Variants in ST6GAL2 observed in about 807,000 individuals in gnomAD.
The protein encoded by ST6GAL2 is beta-galactoside alpha-2,6-sialyltransferase 2.
ST6GAL2 carries 24 observed loss-of-function variants against 37.5 expected under a neutral mutation model. The observed-to-expected ratio is 0.64, with a 90% CI of 0.46 to 0.90. ST6GAL2 has a LOEUF of 0.90. Ranked by LOEUF, ST6GAL2 falls within the 40% of genes least tolerant of loss-of-function variation. The pLI, the probability that ST6GAL2 is intolerant of heterozygous loss-of-function variation, is 0.00. For synonymous variants in ST6GAL2, 306 were observed against 295.1 expected (o/e 1.04, Z -0.38); for missense variants, 715 against 712.7 (o/e 1.00, Z -0.04).
At chr2:106,811,404 C>T (rs1038897722) in intron 5 of ST6GAL2, among the ~76,000 whole-genome samples, 2 of 151,964 alleles carry the variant, frequency 1.3e-5, no homozygotes, top group Admixed American at 6.6e-5. Flanking sequence ...GCAGACAGGA[C>T]GGGGACAGGA....
chr2:106,834,104 C>A lies in ST6GAL2; in HGVS notation c.986G>T (p.Arg329Leu). ...AVLRFNSAPT[R>L]GYEKDVGNKT... Reference sequence around the variant, plus strand: ...ATTCCCAACATCTTTCTCATAACCACGTGTAGGAGCAGAGTTAAATCTCAA... The same window carrying A: ...ATTCCCAACATCTTTCTCATAACCAAGTGTAGGAGCAGAGTTAAATCTCAA... Residue 329 changes from arginine (R) to leucine (L), a missense_variant, in exon 3 of 6, where the codon CGT becomes CTT. Transcript: ENST00000409382. The A allele has an allele frequency of 1.2e-6, 2 of 1,613,784 alleles. No homozygotes were observed. The highest frequency in any genetic ancestry group is 1.7e-6 in the Non-Finnish European group (2 of 1,179,836).
At chr2:106,816,880 A>G (rs564310923) in intron 5 of ST6GAL2, among the ~76,000 whole-genome samples, 20 of 152,154 alleles carry the variant, frequency 1.3e-4, no homozygotes, top group Non-Finnish European at 2.9e-4. Context: ...TCCATCCCCC[A>G]GCAGGGAGGA....
chr2:106,859,694 C>T lies in ST6GAL2; in HGVS notation c.-57-15660G>A, dbSNP rs149817080. ...TGACAACGCATTGCCTTCTGTACTGCCCCCATGTGGACCTAGTCGCCTCTC... is the reference window on the plus strand; with the variant it reads ...TGACAACGCATTGCCTTCTGTACTGTCCCCATGTGGACCTAGTCGCCTCTC... On this transcript the variant is annotated intron_variant, in intron 1 of 5. Coordinates refer to ENST00000409382, the MANE Select transcript of ST6GAL2 (RefSeq NM_001142351.2). 1.2e-4 allele frequency among the ~76,000 whole-genome samples: 18 copies of T among 152,260 alleles called. 1 individual carries two copies. The highest frequency in any genetic ancestry group is 1.0e-3 in the Admixed American group (16 of 15,292).
intron 1 of ST6GAL2, among the ~76,000 whole-genome samples, chr2:106,846,407 A>C (rs13418755): frequency 0.058 from 8,905 of 152,238 alleles, 817 homozygotes; most frequent in African/African-American, 0.2. Context: ...CTACATTTTA[A>C]GGTGATTTGT....
intron 5 of ST6GAL2, among the ~76,000 whole-genome samples, chr2:106,827,205 C>T (rs939422986): frequency 2.0e-5 from 3 of 151,996 alleles, no homozygotes; most frequent in Admixed American, 1.3e-4. Flanking sequence ...AGAAAAAAAA[C>T]CAGTCATTGA....
chr2:106,827,283 T>G (rs930850132), intron 5 of ST6GAL2, among the ~76,000 whole-genome samples: 1 of 152,128 alleles, frequency 6.6e-6, no homozygotes, highest in African/African-American at 2.4e-5. Context: ...TTTAAGGATG[T>G]TGGATAAGTT....
intron 1 of ST6GAL2, among the ~76,000 whole-genome samples, chr2:106,862,463 T>G (rs1204213594): frequency 6.6e-6 from 1 of 152,180 alleles, no homozygotes; most frequent in Admixed American, 6.5e-5. Flanking sequence ...TCAGATGAAT[T>G]TGACAAAAAT....
rs1161980629 is a variant in ST6GAL2, at chr2:106,843,967, T to A, written c.11A>T (p.His4Leu). MKP[H>L]LKQWRQRMLF... The stretch of plus-strand genomic sequence containing the variant: ...CATTCGTTGTCTCCATTGCTTCAAG[T>A]GTGGTTTCATGGCAGGTCTCTGCGG... The change falls in exon 2 of 6, where the codon CAC becomes CTC. Residue 4 changes from histidine to leucine, a missense_variant. Physicochemically the swap from His to Leu is moderately conservative, Grantham distance 99. This residue lies in a region of ST6GAL2 where 512 missense variants were observed against 488.8 expected (regional missense o/e 1.05). Coordinates refer to ENST00000409382, the MANE Select transcript of ST6GAL2 (RefSeq NM_001142351.2). The A allele has an allele frequency of 6.3e-7, 1 of 1,575,700 alleles. No homozygotes were observed. The highest frequency in any genetic ancestry group is 8.6e-7 in the Non-Finnish European group (1 of 1,162,592).
chr2:106,877,881 G>A (rs966207532), intron 1 of ST6GAL2, among the ~76,000 whole-genome samples: 2 of 152,172 alleles, frequency 1.3e-5, no homozygotes, highest in Admixed American at 1.3e-4. Flanking sequence ...GTTCAGTGAG[G>A]AACAGTTCTA....
At chr2:106,849,841 C>G (rs1383921646) in intron 1 of ST6GAL2, among the ~76,000 whole-genome samples, 1 of 152,194 alleles carries the variant, frequency 6.6e-6, no homozygotes, top group Non-Finnish European at 1.5e-5. Context: ...ATCAGAAAAT[C>G]TTTGAATGTA....
intron 5 of ST6GAL2, among the ~76,000 whole-genome samples, chr2:106,810,978 C>A (rs1675587453): frequency 8.0e-6 from 1 of 125,698 alleles, no homozygotes; most frequent in African/African-American, 3.1e-5. Flanking sequence ...AATAATAAAA[C>A]TAGTAATAAT....
At chr2:106,833,072 C>A (rs1478383828) in intron 3 of ST6GAL2, among the ~76,000 whole-genome samples, 5 of 152,148 alleles carry the variant, frequency 3.3e-5, no homozygotes, top group Admixed American at 1.3e-4. Flanking sequence ...CCACAGCCTT[C>A]CCTCTGTGGC....
intron 5 of ST6GAL2, among the ~76,000 whole-genome samples, chr2:106,816,651 T>C (rs934230541): frequency 5.8e-4 from 88 of 152,134 alleles, no homozygotes; most frequent in Non-Finnish European, 1.8e-4. Flanking sequence ...AATAAGGATA[T>C]AGGGAGGCAG....
At chr2:106,850,852 TACTC>T (rs775886434) in intron 1 of ST6GAL2, among the ~76,000 whole-genome samples, 1 of 152,196 alleles carries the variant, frequency 6.6e-6, no homozygotes, top group Non-Finnish European at 1.5e-5. Flanking sequence ...TCGTCGGTAA[TACTC>T]ACTGCCATAT....
intron 3 of ST6GAL2, among the ~76,000 whole-genome samples, chr2:106,833,396 C>T (rs527302464): frequency 8.0e-4 from 122 of 152,254 alleles, no homozygotes; most frequent in Non-Finnish European, 1.4e-3. Flanking sequence ...TCTTACCTTG[C>T]GGCAGGCTGC....
At chr2:106,861,449 T>C (rs944453634) in intron 1 of ST6GAL2, among the ~76,000 whole-genome samples, 2 of 152,148 alleles carry the variant, frequency 1.3e-5, no homozygotes, top group Non-Finnish European at 2.9e-5. Flanking sequence ...TAGACATTTA[T>C]TATATATCCA....
In ST6GAL2 at chr2:106,843,134, C is replaced by T. The variant is rs770673105; in HGVS notation, c.844G>A (p.Ala282Thr). Residue 282 changes from alanine (A) to threonine (T), a missense_variant, in exon 2 of 6, where the codon GCC becomes ACC. Around this residue, in one of 3 missense-constraint regions of ST6GAL2, gnomAD observed 512 missense variants for 488.8 expected, o/e 1.05. Coordinates refer to ENST00000409382, the MANE Select transcript of ST6GAL2 (RefSeq NM_001142351.2). ...GGGTGCAGCTGGCTCAGGGGCACGG[C>T]GGGCACCAGGCGCCGCCAGCCCAGC... Reference protein sequence around the residue: ...SALGWRRLVPAVPLSQLHPRG... With the variant: ...SALGWRRLVPTVPLSQLHPRG... 39 of 1,565,538 alleles carry T rather than the reference C, an allele frequency of 2.5e-5. No homozygotes were observed. Among genetic ancestry groups the T allele is most frequent in the Non-Finnish European group, 3.3e-5 (38 of 1,159,000 alleles).
At chr2:106,816,948 C>T (rs1012796078) in intron 5 of ST6GAL2, among the ~76,000 whole-genome samples, 7 of 152,174 alleles carry the variant, frequency 4.6e-5, no homozygotes, top group Non-Finnish European at 4.4e-5. Context: ...TGCAATGGAA[C>T]TCGGGGCTGC....
intron 1 of ST6GAL2, among the ~76,000 whole-genome samples, chr2:106,884,126 TGG>T (rs944693488): frequency 2.7e-5 from 4 of 149,526 alleles, no homozygotes; most frequent in Non-Finnish European, 5.9e-5. Flanking sequence ...AACTCGGGGG[TGG>T]GGGGGTGGAA....
Sources: allele counts gnomAD v4.1 joint callset (sites outside exome capture counted in the v4.1 genomes callset), GRCh38; gene constraint gnomAD v4.1.1; regional missense constraint gnomAD v4.1.1; transcripts MANE v1.5; gene names NCBI Gene and HGNC (gene_info 2026-07-23, HGNC 2026-07-21).